The following BTBD9 variants were observed in gnomAD, a reference collection of about 807,000 sequenced individuals.
BTBD9 encodes the protein BTB/POZ domain-containing protein 9.
BTBD9 carries 49 observed loss-of-function variants against 64.3 expected under a neutral mutation model. The observed-to-expected ratio is 0.76, with a 90% CI of 0.61 to 0.97. The LOEUF (loss-of-function observed/expected upper bound fraction) is 0.97, where lower values mean the gene tolerates loss of function less well. Among genes scored for constraint, BTBD9 ranks in the 50% least tolerant of loss-of-function variants. BTBD9 has a pLI of 0.00. For missense variants in BTBD9, 598 were observed against 762.1 expected (o/e 0.78, Z 2.53); for synonymous variants, 260 against 274.7 (o/e 0.95, Z 0.53).
intron 7 of BTBD9, among the ~76,000 whole-genome samples, chr6:38,297,002 T>G (rs1762179047): frequency 6.6e-6 from 1 of 152,192 alleles, no homozygotes; most frequent in Non-Finnish European, 1.5e-5. Context: ...CTATATATAT[T>G]TATTAGATCA....
At chr6:38,369,001 G>A (rs1269383572) in intron 6 of BTBD9, among the ~76,000 whole-genome samples, 1 of 152,202 alleles carries the variant, frequency 6.6e-6, no homozygotes, top group Non-Finnish European at 1.5e-5. Flanking sequence ...CCTGCTTCCA[G>A]ATTCCAGTTT....
At chr6:38,402,828 A>G in intron 6 of BTBD9, 1 of 700,960 alleles carries the variant, frequency 1.4e-6, no homozygotes, top group African/African-American at 1.7e-5. Context: ...TGCACTTTGG[A>G]AGGCCAAGGA....
chr6:38,518,016 ACT>A (rs1773113911), intron 6 of BTBD9, among the ~76,000 whole-genome samples: 2 of 152,218 alleles, frequency 1.3e-5, no homozygotes, highest in African/African-American at 4.8e-5. Flanking sequence ...TTCAAAATAC[ACT>A]GAGTCAAAGA....
intron 10 of BTBD9, among the ~76,000 whole-genome samples, chr6:38,183,244 T>C (rs1354403948): frequency 6.6e-6 from 1 of 152,240 alleles, no homozygotes; most frequent in East Asian, 1.9e-4. Flanking sequence ...CCCAAAGTGC[T>C]GGGATTACAG....
At chr6:38,616,875 C>A (rs1458248531) in intron 1 of BTBD9, among the ~76,000 whole-genome samples, 1 of 152,148 alleles carries the variant, frequency 6.6e-6, no homozygotes, top group African/African-American at 2.4e-5. Context: ...AGAGCTGTAA[C>A]ACCACAAAGG....
chr6:38,318,240 G>A (rs557186759), intron 7 of BTBD9, among the ~76,000 whole-genome samples: 4 of 152,262 alleles, frequency 2.6e-5, no homozygotes, highest in East Asian at 3.9e-4. Flanking sequence ...AAATATCTCC[G>A]TCTCTGCAGG....
At chr6:38,282,917 T>C (rs1761574346) in intron 8 of BTBD9, among the ~76,000 whole-genome samples, 2 of 150,224 alleles carry the variant, frequency 1.3e-5, no homozygotes, top group East Asian at 4.1e-4. Context: ...GCGTTTATTA[T>C]CTCCCCTCAA....
At chr6:38,455,835 A>T (rs1769774164) in intron 6 of BTBD9, among the ~76,000 whole-genome samples, 1 of 151,784 alleles carries the variant, frequency 6.6e-6, no homozygotes, top group South Asian at 2.1e-4. Context: ...GCGCCACAAC[A>T]CCCGGCTAAT....
chr6:38,600,822 T>C (rs1777215234), intron 1 of BTBD9, among the ~76,000 whole-genome samples: 1 of 152,196 alleles, frequency 6.6e-6, no homozygotes, highest in Non-Finnish European at 1.5e-5. Context: ...GTATCTACCA[T>C]AATAAGTTCT....
chr6:38,598,867 A>C (rs550458347), intron 1 of BTBD9, among the ~76,000 whole-genome samples: 20 of 152,296 alleles, frequency 1.3e-4, no homozygotes, highest in African/African-American at 4.6e-4. Context: ...CTGTGAGTCG[A>C]GATGGCGCCA....
intron 7 of BTBD9, among the ~76,000 whole-genome samples, chr6:38,333,469 T>C (rs1364847269): frequency 2.0e-5 from 3 of 152,168 alleles, no homozygotes; most frequent in African/African-American, 4.8e-5. Context: ...TCATGTCAAA[T>C]CGTAACTCCC....
intron 1 of BTBD9, among the ~76,000 whole-genome samples, chr6:38,627,647 C>T (rs1257505145): frequency 6.6e-6 from 1 of 152,088 alleles, no homozygotes; most frequent in African/African-American, 2.4e-5. Flanking sequence ...TCTGTGGGGT[C>T]AGGATGGGAG....
At chr6:38,344,494 T>C (rs974353835) in intron 7 of BTBD9, among the ~76,000 whole-genome samples, 4 of 152,242 alleles carry the variant, frequency 2.6e-5, no homozygotes, top group Non-Finnish European at 4.4e-5. Flanking sequence ...CTTTTGTGAG[T>C]TGAACTTTCT....
chr6:38,430,985 C>G (rs1393499475), intron 6 of BTBD9, among the ~76,000 whole-genome samples: 7 of 151,922 alleles, frequency 4.6e-5, no homozygotes, highest in Non-Finnish European at 1.5e-5. Flanking sequence ...ATGCAGTACC[C>G]TTCAGGTTTC....
intron 7 of BTBD9, among the ~76,000 whole-genome samples, chr6:38,302,485 G>GTATGTGTGTGTGTATA (rs1384155514): frequency 5.6e-5 from 6 of 106,906 alleles, no homozygotes; most frequent in African/African-American, 2.1e-4. Flanking sequence ...TTGTGTGTAT[G>GTATGTGTGTGTGTATA]TATATATATA....
intron 6 of BTBD9, among the ~76,000 whole-genome samples, chr6:38,431,845 T>C (rs1389317801): frequency 6.6e-6 from 1 of 152,000 alleles, no homozygotes; most frequent in East Asian, 1.9e-4. Context: ...TAAAATCTAA[T>C]GGCATCCAAT....
intron 6 of BTBD9, among the ~76,000 whole-genome samples, chr6:38,433,388 T>C (rs1399869978): frequency 6.6e-6 from 1 of 151,856 alleles, no homozygotes; most frequent in Non-Finnish European, 1.5e-5. Flanking sequence ...CTGAAGCAAC[T>C]GAAGATCCAC....
chr6:38,172,547 C>A lies in BTBD9; in HGVS notation c.*2438G>T, dbSNP rs1295076345. 1 of 152,332 alleles carries A rather than the reference C, an allele frequency of 6.6e-6. No homozygotes were observed. The highest frequency in any genetic ancestry group is 2.4e-5 in the African/African-American group (1 of 41,464). The allele number at this position is 152,332 out of a possible 1,614,324, so 9.4% of individuals were successfully genotyped here. On this transcript the variant is annotated 3_prime_UTR_variant, in exon 11 of 11. Transcript: ENST00000481247. Reference sequence around the variant, plus strand: ...CCTCCAGCCTGGGAAAGGAGGTGAACCCGTGTCCTTTTGGAGTCCAGGGCA... The same window carrying A: ...CCTCCAGCCTGGGAAAGGAGGTGAAACCGTGTCCTTTTGGAGTCCAGGGCA...
chr6:38,432,652 G>A (rs956566358), intron 6 of BTBD9, among the ~76,000 whole-genome samples: 4 of 151,790 alleles, frequency 2.6e-5, no homozygotes, highest in African/African-American at 9.7e-5. Flanking sequence ...TCAGACTTTT[G>A]CATTCTGGCA....
Sources: gnomAD v4.1 joint callset for allele counts (sites outside exome capture counted in the v4.1 genomes callset) on GRCh38, gnomAD v4.1.1 for gene constraint, MANE v1.5 for transcripts, NCBI Gene and HGNC (gene_info 2026-07-23, HGNC 2026-07-21) for gene names.